ANO3: variants seen among roughly 807,000 people sequenced by gnomAD.
The protein encoded by ANO3 is anoctamin-3.
ANO3 carries 99 observed loss-of-function variants against 144.8 expected under a neutral mutation model. The observed-to-expected ratio is 0.68, with a 90% CI of 0.58 to 0.81. The LOEUF (loss-of-function observed/expected upper bound fraction) is 0.81. Ranked by LOEUF, ANO3 falls within the 30% of genes least tolerant of loss-of-function variation. The probability of loss-of-function intolerance (pLI) is 0.00; values close to 1 mark genes in which losing one functional copy is unlikely to be tolerated. For synonymous variants in ANO3, 414 were observed against 392.6 expected, an observed-to-expected ratio of 1.05 and a Z score of -0.64; for missense variants, 905 against 1,202.2, an observed-to-expected ratio of 0.75 and a Z score of 3.66.
At chr11:26,315,686 C>CTATCCATCT (rs1564961787) in intron 1 of ANO3, among the ~76,000 whole-genome samples, 109 of 108,334 alleles carry the variant, frequency 1.0e-3, no homozygotes, top group African/African-American at 2.9e-3. Flanking sequence ...TCTATCTATC[C>CTATCCATCT]ATCTATCTAT....
intron 1 of ANO3, among the ~76,000 whole-genome samples, chr11:26,250,880 T>C (rs1315061941): frequency 1.3e-5 from 2 of 152,184 alleles, no homozygotes; most frequent in African/African-American, 2.4e-5. Flanking sequence ...CTACTAAATA[T>C]AGCTAAGCCT....
intron 1 of ANO3, among the ~76,000 whole-genome samples, chr11:26,394,425 G>A (rs146577774): frequency 1.3e-5 from 2 of 151,968 alleles, no homozygotes; most frequent in Admixed American, 6.6e-5. Context: ...AATGCGGCTA[G>A]GATGCTATTA....
At chr11:26,230,305 T>C (rs1852363720) in intron 1 of ANO3, among the ~76,000 whole-genome samples, 1 of 152,104 alleles carries the variant, frequency 6.6e-6, no homozygotes, top group Non-Finnish European at 1.5e-5. Context: ...GGAACTTCAA[T>C]GGAGAGCACT....
In ANO3 at chr11:26,644,535, A is replaced by C. The variant is rs929030195; in HGVS notation, c.2428+1201A>C. Among the ~76,000 whole-genome samples, 175 of 152,284 alleles carry C rather than the reference A, an allele frequency of 1.1e-3. 4 individuals carry two copies. Among genetic ancestry groups the C allele is most frequent in the Non-Finnish European group, 3.5e-4 (24 of 68,018 alleles). ...AATTTTTGATATGTAATTTGGCAGC[A>C]TGTTCTCCAGAAATGTTGTGCCAAT... On this transcript the variant is annotated intron_variant, in intron 23 of 26. Coordinates refer to ENST00000256737, the MANE Select transcript of ANO3 (RefSeq NM_031418.4).
At chr11:26,600,891 G>T (rs1187839019) in intron 17 of ANO3, among the ~76,000 whole-genome samples, 1 of 151,808 alleles carries the variant, frequency 6.6e-6, no homozygotes, top group Non-Finnish European at 1.5e-5. Context: ...GCACCTTTTT[G>T]TTTCAACATC....
intron 4 of ANO3, among the ~76,000 whole-genome samples, chr11:26,468,981 G>C (rs1427222725): frequency 1.3e-5 from 2 of 151,760 alleles, no homozygotes; most frequent in Admixed American, 6.6e-5. Context: ...AATCACCTTG[G>C]CTTATTAATC....
At chr11:26,320,654 T>C (rs534190387) in intron 1 of ANO3, among the ~76,000 whole-genome samples, 2 of 152,198 alleles carry the variant, frequency 1.3e-5, no homozygotes, top group Non-Finnish European at 2.9e-5. Flanking sequence ...GTGCATAAAA[T>C]ATATGATGTT....
intron 1 of ANO3, among the ~76,000 whole-genome samples, chr11:26,357,800 G>T (rs1855821599): frequency 6.6e-6 from 1 of 152,014 alleles, no homozygotes; most frequent in African/African-American, 2.4e-5. Context: ...CTTTCTAGAA[G>T]TTTTTTCATC....
intron 1 of ANO3, among the ~76,000 whole-genome samples, chr11:26,240,876 T>G (rs912910057): frequency 3.9e-5 from 6 of 152,182 alleles, no homozygotes; most frequent in Admixed American, 3.9e-4. Context: ...ATAATATGTA[T>G]AAATAAAATT....
intron 1 of ANO3, among the ~76,000 whole-genome samples, chr11:26,325,328 T>C (rs187108096): frequency 1.0e-3 from 153 of 152,296 alleles, no homozygotes; most frequent in Middle Eastern, 3.4e-3. Flanking sequence ...TTGTTAACTA[T>C]ACTGAAAAGA....
At chr11:26,282,078 G>T (rs1237833658) in intron 1 of ANO3, among the ~76,000 whole-genome samples, 1 of 152,118 alleles carries the variant, frequency 6.6e-6, no homozygotes, top group Non-Finnish European at 1.5e-5. Context: ...CATTATTTGG[G>T]TTGTCAATAG....
intron 1 of ANO3, among the ~76,000 whole-genome samples, chr11:26,436,756 G>C (rs990400642): frequency 1.3e-5 from 2 of 152,136 alleles, no homozygotes; most frequent in African/African-American, 4.8e-5. Flanking sequence ...CAATAGCTAA[G>C]ACTGTGAAAG....
At chr11:26,453,452 T>G (rs1483017814) in intron 3 of ANO3, among the ~76,000 whole-genome samples, 1 of 152,012 alleles carries the variant, frequency 6.6e-6, no homozygotes, top group Non-Finnish European at 1.5e-5. Flanking sequence ...AAAACAGGCT[T>G]TAAACCAACA....
intron 4 of ANO3, among the ~76,000 whole-genome samples, chr11:26,496,737 T>C (rs1198925801): frequency 6.6e-6 from 1 of 152,060 alleles, no homozygotes; most frequent in Non-Finnish European, 1.5e-5. Flanking sequence ...CGTGTGTACA[T>C]ATAATTTAGC....
At chr11:26,514,686 G>A (rs1861795978) in intron 5 of ANO3, among the ~76,000 whole-genome samples, 1 of 152,032 alleles carries the variant, frequency 6.6e-6, no homozygotes, top group Non-Finnish European at 1.5e-5. Context: ...TAGCCAACAC[G>A]ATGATTTCAA....
chr11:26,312,183 T>C (rs926303617), intron 1 of ANO3, among the ~76,000 whole-genome samples: 1 of 152,260 alleles, frequency 6.6e-6, no homozygotes, highest in African/African-American at 2.4e-5. Flanking sequence ...CTCATCCTTT[T>C]TTATGGCTGC....
intron 26 of ANO3, 104 bp from the exon 27 acceptor site, chr11:26,660,158 G>T: frequency 1.0e-6 from 1 of 994,616 alleles, no homozygotes; most frequent in Non-Finnish European, 1.5e-6. Context: ...ACTAAGTTCT[G>T]ATGCTTGATT....
At chr11:26,632,009 G>A (rs368073387) in intron 18 of ANO3, among the ~76,000 whole-genome samples, 6 of 151,902 alleles carry the variant, frequency 3.9e-5, no homozygotes, top group South Asian at 2.1e-4. Context: ...GTGAAACCCC[G>A]TCTCTACTAA....
chr11:26,543,965 A>C (rs1225246338), intron 11 of ANO3, among the ~76,000 whole-genome samples: 1 of 151,804 alleles, frequency 6.6e-6, no homozygotes, highest in East Asian at 1.9e-4. Flanking sequence ...TTCAGAACCA[A>C]GATGTTTTAT....
Sources: allele counts gnomAD v4.1 joint callset (sites outside exome capture counted in the v4.1 genomes callset), GRCh38; gene constraint gnomAD v4.1.1; transcripts MANE v1.5; gene names NCBI Gene and HGNC (gene_info 2026-07-23, HGNC 2026-07-21).